Variants in MPRIP observed in about 807,000 individuals in gnomAD.
MPRIP encodes myosin phosphatase Rho-interacting protein.
MPRIP carries 59 observed loss-of-function variants against 234.9 expected under a neutral mutation model. That is an observed-to-expected ratio of 0.25 (90% confidence interval 0.20 to 0.31). MPRIP has a LOEUF of 0.31. Among genes scored for constraint, MPRIP ranks in the 10% least tolerant of loss-of-function variants. The pLI is 1.00. For synonymous variants in MPRIP, 1,144 were observed against 1,263.9 expected (o/e 0.91, Z 2.01); for missense variants, 2,436 against 3,071.0 (o/e 0.79, Z 4.89).
intron 1 of MPRIP, among the ~76,000 whole-genome samples, chr17:17,051,082 T>A (rs2088525962): frequency 6.6e-6 from 1 of 152,312 alleles, no homozygotes; most frequent in East Asian, 1.9e-4. Flanking sequence ...GTGCCTGCCT[T>A]CTCTTTGCAG....
At chr17:17,143,954 G>A (rs1187570920) in intron 9 of MPRIP, among the ~76,000 whole-genome samples, 2 of 152,236 alleles carry the variant, frequency 1.3e-5, no homozygotes, top group Non-Finnish European at 2.9e-5. Context: ...GACTCTAGGC[G>A]GCAGGGCTGC....
intron 1 of MPRIP, among the ~76,000 whole-genome samples, chr17:17,056,364 T>C (rs1337633639): frequency 1.3e-5 from 2 of 152,222 alleles, no homozygotes; most frequent in Admixed American, 1.3e-4. Flanking sequence ...AAAAATCCTG[T>C]GGCCACGGGC....
rs1046013584 is a variant in MPRIP, at chr17:17,188,887, C to A, written c.*3993C>A. On this transcript the variant is annotated 3_prime_UTR_variant, in exon 24 of 24. Transcript: ENST00000651222. ...ACACAAACAAGTAATCCTGTTTGGC[C>A]TCCTAGGTTTTGCATATGACCTGCA... 1.1e-4 allele frequency: 16 copies of A among 152,338 alleles called. No individual in the cohort carries two copies. The highest frequency in any genetic ancestry group is 1.2e-4 in the African/African-American group (5 of 41,570). 9.4% of individuals were successfully genotyped at this position (152,338 alleles called of 1,614,324 possible).
intron 3 of MPRIP, among the ~76,000 whole-genome samples, chr17:17,089,032 G>A (rs1272509364): frequency 2.0e-5 from 3 of 152,198 alleles, no homozygotes; most frequent in Non-Finnish European, 4.4e-5. Context: ...ACACAGGCAC[G>A]GACCAGTCAC....
At chr17:17,081,312 A>C (rs2089457613) in intron 3 of MPRIP, among the ~76,000 whole-genome samples, 1 of 152,236 alleles carries the variant, frequency 6.6e-6, no homozygotes, top group African/African-American at 2.4e-5. Flanking sequence ...TTTGGGCGGC[A>C]CAAATCTAGC....
At chr17:17,067,662 C>A (rs1336784051) in intron 1 of MPRIP, among the ~76,000 whole-genome samples, 1 of 151,988 alleles carries the variant, frequency 6.6e-6, no homozygotes, top group Non-Finnish European at 1.5e-5. Context: ...GAATATTAGT[C>A]CATAGTTCTT....
intron 3 of MPRIP, chr17:17,096,891 G>A: frequency 1.1e-5 from 5 of 444,240 alleles, no homozygotes; most frequent in South Asian, 8.1e-5. Context: ...ATATGAAAAA[G>A]CATCCTTGTC....
intron 3 of MPRIP, among the ~76,000 whole-genome samples, chr17:17,100,603 C>G (rs906543772): frequency 6.6e-6 from 1 of 151,984 alleles, no homozygotes; most frequent in South Asian, 2.1e-4. Flanking sequence ...TTCATAGGAG[C>G]GTGAAGCCAG....
chr17:17,150,012 G>A (rs1168154052), intron 11 of MPRIP, 132 bp from the exon 12 acceptor site: 10 of 685,516 alleles, frequency 1.5e-5, no homozygotes, highest in African/African-American at 7.1e-5. Context: ...TAGGATAGAC[G>A]GTGTCCTCAC....
At chr17:17,092,129 T>G (rs994789805) in intron 3 of MPRIP, among the ~76,000 whole-genome samples, 14 of 152,344 alleles carry the variant, frequency 9.2e-5, no homozygotes, top group South Asian at 2.1e-4. Context: ...TGTCGCTTCT[T>G]CCACCATATT....
intron 3 of MPRIP, among the ~76,000 whole-genome samples, chr17:17,096,278 G>C (rs986757180): frequency 4.8e-5 from 6 of 126,004 alleles, no homozygotes; most frequent in African/African-American, 1.9e-4. Flanking sequence ...CAGGGTGTGT[G>C]TGTGTGCAGG....
intron 14 of MPRIP, among the ~76,000 whole-genome samples, chr17:17,160,108 C>A (rs1229785636): frequency 6.6e-6 from 1 of 152,164 alleles, no homozygotes; most frequent in African/African-American, 2.4e-5. Flanking sequence ...GTGGCTCACG[C>A]CTGTAATCCC....
chr17:17,112,153 G>A (rs1317344744), intron 3 of MPRIP, among the ~76,000 whole-genome samples: 2 of 152,094 alleles, frequency 1.3e-5, no homozygotes, highest in Non-Finnish European at 2.9e-5. Context: ...TCATACTTGC[G>A]GGACAGAACA....
At position 17,138,562 on chromosome 17, in the gene MPRIP, C is replaced by G. The variant is rs909678001; in HGVS notation, c.1250+133C>G. The G allele has an allele frequency of 2.0e-5, 3 of 153,702 alleles. No individual in the cohort carries two copies. Among genetic ancestry groups the G allele is most frequent in the Admixed American group, 1.3e-4 (2 of 15,322 alleles). 9.5% of individuals were successfully genotyped at this position (153,702 alleles called of 1,614,324 possible). On this transcript the variant is annotated intron_variant, in intron 7 of 23. Coordinates refer to ENST00000651222, the MANE Select transcript of MPRIP (RefSeq NM_001364716.4). The surrounding 1 kb of genome is among the most constrained non-coding windows in gnomAD (Gnocchi z 5.8). ...CCCTTGGCGGAGCATGCTTTCTGTTCAGAGCATAGGGGTATTTTCCCTCTG... is the reference window on the plus strand; with the variant it reads ...CCCTTGGCGGAGCATGCTTTCTGTTGAGAGCATAGGGGTATTTTCCCTCTG...
chr17:17,131,811 G>T (rs1461269401), intron 5 of MPRIP, 110 bp downstream of exon 5: 3 of 943,072 alleles, frequency 3.2e-6, no homozygotes, highest in South Asian at 1.4e-5. Flanking sequence ...CAGGGCTGAG[G>T]CAGTCACCAA....
chr17:17,050,470 C>G (rs1169560412), intron 1 of MPRIP, among the ~76,000 whole-genome samples: 1 of 152,038 alleles, frequency 6.6e-6, no homozygotes, highest in Non-Finnish European at 1.5e-5. Flanking sequence ...CACTTTCCCA[C>G]TGCTTAGTAG....
intron 17 of MPRIP, 137 bp from the exon 18 acceptor site, chr17:17,172,561 C>T (rs1419678653): frequency 6.2e-6 from 4 of 649,392 alleles, no homozygotes; most frequent in Non-Finnish European, 1.1e-5. Context: ...GCCTGTCATG[C>T]AAAATCCAAC....
chr17:17,057,842 A>G lies in MPRIP; in HGVS notation c.123+14871A>G, dbSNP rs758589749. On this transcript the variant is annotated intron_variant, in intron 1 of 23. Transcript: ENST00000651222. ...TGAAGAGCCGCTGATATACTCTAATACTTGCAGTAATATTTTTTAATAGAA... is the reference window on the plus strand; with the variant it reads ...TGAAGAGCCGCTGATATACTCTAATGCTTGCAGTAATATTTTTTAATAGAA... 210 of 611,120 alleles carry G rather than the reference A, an allele frequency of 3.4e-4. 1 individual carries two copies. Among genetic ancestry groups the G allele is most frequent in the Non-Finnish European group, 5.3e-4 (179 of 340,160 alleles). 37.9% of individuals were successfully genotyped at this position (611,120 alleles called of 1,614,324 possible).
intron 1 of MPRIP, among the ~76,000 whole-genome samples, chr17:17,075,303 TTTTGTATC>T (rs1397614579): frequency 6.6e-6 from 1 of 152,154 alleles, no homozygotes; most frequent in Non-Finnish European, 1.5e-5. Context: ...CCAGGCCCTG[TTTTGTATC>T]TTCAGGATGA....
Sources: allele counts gnomAD v4.1 joint callset (sites outside exome capture counted in the v4.1 genomes callset), GRCh38; gene constraint gnomAD v4.1.1; non-coding constraint Gnocchi (gnomAD v3.1); transcripts MANE v1.5; gene names NCBI Gene and HGNC (gene_info 2026-07-23, HGNC 2026-07-21).